GABBR2: variants seen among roughly 807,000 people sequenced by gnomAD.
GABBR2 encodes gamma-aminobutyric acid type B receptor subunit 2.
Under a neutral mutation model 105.6 loss-of-function variants are expected in GABBR2, and 23 were observed. The ratio of observed to expected loss-of-function variants is 0.22; its 90% CI spans 0.16 to 0.31. The LOEUF (loss-of-function observed/expected upper bound fraction) is 0.31. Among genes scored for constraint, GABBR2 ranks in the 10% least tolerant of loss-of-function variants. The probability of loss-of-function intolerance (pLI) is 1.00; values close to 1 mark genes in which losing one functional copy is unlikely to be tolerated. For synonymous variants in GABBR2, 478 were observed against 499.7 expected, an observed-to-expected ratio of 0.96 and a Z score of 0.58; for missense variants, 734 against 1,245.5, an observed-to-expected ratio of 0.59 and a Z score of 6.18.
intron 1 of GABBR2, among the ~76,000 whole-genome samples, chr9:98,676,692 G>A (rs1830481807): frequency 6.6e-6 from 1 of 152,162 alleles, no homozygotes; most frequent in Non-Finnish European, 1.5e-5. Context: ...TAGCACGATG[G>A]GACAACAAGA....
intron 13 of GABBR2, among the ~76,000 whole-genome samples, chr9:98,357,052 T>C (rs1276871468): frequency 2.0e-5 from 3 of 152,214 alleles, no homozygotes; most frequent in Non-Finnish European, 4.4e-5. Context: ...ACAGAGGATA[T>C]TTAGAACAGT....
At chr9:98,540,831 G>A (rs528520144) in intron 3 of GABBR2, among the ~76,000 whole-genome samples, 3 of 152,318 alleles carry the variant, frequency 2.0e-5, no homozygotes, top group African/African-American at 7.2e-5. Context: ...AAAAAGACAG[G>A]AGGCCATTTT....
In GABBR2 at chr9:98,590,163, C is replaced by T. The variant is rs1829127405; in HGVS notation, c.322-12091G>A. Among the ~76,000 whole-genome samples, 4 of 152,180 alleles carry T rather than the reference C, an allele frequency of 2.6e-5. No individual in the cohort carries two copies. In the South Asian group the frequency reaches 8.3e-4, roughly 32 times the overall value. ...TACAATCACTGCTGGTGGGTAGAGCCTGAAATAAAAGTAGTCATATCCATA... is the reference window on the plus strand; with the variant it reads ...TACAATCACTGCTGGTGGGTAGAGCTTGAAATAAAAGTAGTCATATCCATA... On this transcript the variant is annotated intron_variant, in intron 1 of 18. Coordinates refer to ENST00000259455, the MANE Select transcript of GABBR2 (RefSeq NM_005458.8).
intron 1 of GABBR2, among the ~76,000 whole-genome samples, chr9:98,705,227 A>G (rs1327245263): frequency 6.6e-6 from 1 of 152,254 alleles, no homozygotes; most frequent in African/African-American, 2.4e-5. Flanking sequence ...TTGGTGTTAC[A>G]CCAGAGAAGC....
At chr9:98,677,391 A>G (rs1312700117) in intron 1 of GABBR2, among the ~76,000 whole-genome samples, 1 of 152,222 alleles carries the variant, frequency 6.6e-6, no homozygotes. Context: ...AGGATACCTG[A>G]GACAGGTTTA....
At chr9:98,678,187 A>T (rs944352025) in intron 1 of GABBR2, among the ~76,000 whole-genome samples, 2 of 152,162 alleles carry the variant, frequency 1.3e-5, no homozygotes, top group Non-Finnish European at 2.9e-5. Context: ...ACTGGGGAGT[A>T]CTGATTTTTC....
chr9:98,616,598 A>G (rs912821698), intron 1 of GABBR2, among the ~76,000 whole-genome samples: 2 of 152,162 alleles, frequency 1.3e-5, no homozygotes, highest in African/African-American at 4.8e-5. Flanking sequence ...TACTAAAAAT[A>G]CAAAAATTAG....
At chr9:98,558,140 CAAAT>C (rs1310672521) in intron 2 of GABBR2, among the ~76,000 whole-genome samples, 1 of 151,960 alleles carries the variant, frequency 6.6e-6, no homozygotes, top group African/African-American at 2.4e-5. Flanking sequence ...GAAAAAAAAA[CAAAT>C]AATGGAAATG....
At chr9:98,538,909 G>T (rs903137469) in intron 3 of GABBR2, among the ~76,000 whole-genome samples, 6 of 150,468 alleles carry the variant, frequency 4.0e-5, no homozygotes, top group African/African-American at 1.5e-4. Flanking sequence ...GGAGTCAGCT[G>T]GGCTGAGAGA....
intron 1 of GABBR2, among the ~76,000 whole-genome samples, chr9:98,584,973 T>C (rs372870973): frequency 1.3e-5 from 2 of 152,178 alleles, no homozygotes; most frequent in South Asian, 2.1e-4. Flanking sequence ...GGAAATCAGA[T>C]AGCTAAGCTC....
rs994513217 is a variant in GABBR2 at position 98,546,771 on chromosome 9, C to A, written c.460-4728G>T. Among the ~76,000 whole-genome samples the A allele has an allele frequency of 5.1e-5, 3 of 59,402 alleles. 1 individual carries two copies. In the Admixed American group the frequency reaches 6.9e-4, roughly 14 times the overall value. The allele number at this position is 59,402 out of a possible 152,430, so 39.0% of individuals were successfully genotyped here. On this transcript the variant is annotated intron_variant, in intron 2 of 18. Coordinates refer to ENST00000259455, the MANE Select transcript of GABBR2 (RefSeq NM_005458.8). ...GGCCTTGCATTTATCATCTCATTGGCCATCTCTTCTTTTTTAATGCTTCCC... is the reference window on the plus strand; with the variant it reads ...GGCCTTGCATTTATCATCTCATTGGACATCTCTTCTTTTTTAATGCTTCCC...
At chr9:98,696,143 A>T (rs1164456559) in intron 1 of GABBR2, among the ~76,000 whole-genome samples, 1 of 152,224 alleles carries the variant, frequency 6.6e-6, no homozygotes, top group African/African-American at 2.4e-5. Context: ...AGAAAACGTG[A>T]TAGTGGATTT....
Position 98,454,158 on chromosome 9 carries a change from C to A in GABBR2, c.1059G>T (p.Lys353Asn). The A allele has an allele frequency of 6.2e-7, 1 of 1,614,208 alleles. No individual in the cohort carries two copies. Among genetic ancestry groups the A allele is most frequent in the Non-Finnish European group, 8.5e-7 (1 of 1,180,032 alleles). Residue 353 changes from lysine to asparagine, a missense_variant, in exon 7 of 19, where the codon AAG (lysine) becomes AAT (asparagine). Physicochemically the swap from Lys to Asn is moderately conservative, Grantham distance 94. Around this residue, in one of 7 missense-constraint regions of GABBR2, gnomAD observed 370 missense variants for 648.9 expected, o/e 0.57. Coordinates refer to ENST00000259455, the MANE Select transcript of GABBR2 (RefSeq NM_005458.8). The surrounding 1 kb of genome is among the most constrained non-coding windows in gnomAD (Gnocchi z 4.6). ...NNKRSGVGPS[K>N]FHGYAYDGIW... ...TGCCATCGTAGGCGTACCCGTGGAA[C>A]TTGCTGGGCCCCACGCCTGACCGCT... is the stretch of plus-strand genomic sequence containing the variant.
intron 6 of GABBR2, among the ~76,000 whole-genome samples, chr9:98,463,369 A>G (rs1826459641): frequency 6.6e-6 from 1 of 152,228 alleles, no homozygotes; most frequent in Non-Finnish European, 1.5e-5. Flanking sequence ...CAGAGAAAGT[A>G]TGTATGTATG....
intron 3 of GABBR2, among the ~76,000 whole-genome samples, chr9:98,501,943 A>G (rs1827408475): frequency 6.6e-6 from 1 of 152,180 alleles, no homozygotes. Context: ...AACAGCAGAG[A>G]CGAGCGCGTC....
At chr9:98,474,355 A>G (rs1010654395) in intron 5 of GABBR2, among the ~76,000 whole-genome samples, 1 of 152,144 alleles carries the variant, frequency 6.6e-6, no homozygotes, top group East Asian at 1.9e-4. Context: ...TATATCAGGA[A>G]AATCATGGTT....
chr9:98,494,190 G>A (rs1827230426), intron 4 of GABBR2, among the ~76,000 whole-genome samples: 1 of 152,318 alleles, frequency 6.6e-6, no homozygotes, highest in Non-Finnish European at 1.5e-5. Flanking sequence ...AGTACATTCT[G>A]TTGTTATAAA....
chr9:98,492,136 C>T (rs13299933), intron 4 of GABBR2, among the ~76,000 whole-genome samples: 2 of 151,892 alleles, frequency 1.3e-5, no homozygotes, highest in East Asian at 3.9e-4. Flanking sequence ...ATTTTCTCCA[C>T]TAAGTATGTC....
rs536474437 is a variant in GABBR2 at position 98,639,481 on chromosome 9, G to GAGGAAAAA, written c.322-61417_322-61410dup. 7.5e-4 allele frequency among the ~76,000 whole-genome samples: 114 copies of GAGGAAAAA among 152,136 alleles called. 1 individual carries two copies. The highest frequency in any genetic ancestry group is 2.4e-3 in the African/African-American group (101 of 41,508). The stretch of plus-strand genomic sequence containing the variant: ...AGGGCCTCCCCCACCACCCCTGGGA[G>GAGGAAAAA]AGGAAAAACAGCACACCTTGCAGCG... On this transcript the variant is annotated intron_variant, in intron 1 of 18. Coordinates refer to ENST00000259455, the MANE Select transcript of GABBR2 (RefSeq NM_005458.8).
Sources: gnomAD v4.1 joint callset for allele counts (sites outside exome capture counted in the v4.1 genomes callset) on GRCh38, gnomAD v4.1.1 for gene constraint, gnomAD v4.1.1 regional missense constraint, Gnocchi (gnomAD v3.1) non-coding constraint, MANE v1.5 for transcripts, NCBI Gene and HGNC (gene_info 2026-07-23, HGNC 2026-07-21) for gene names.